Variants in STK39 observed in about 807,000 individuals in gnomAD.
STK39 encodes the protein serine/threonine kinase 39.
A neutral mutation model predicts 77.8 loss-of-function variants in STK39; 20 were observed. The observed-to-expected ratio is 0.26, with a 90% CI of 0.18 to 0.37. The LOEUF is 0.37. STK39 is among the 10% of genes least tolerant of loss of function. The pLI, the probability that STK39 is intolerant of heterozygous loss-of-function variation, is 1.00. For missense variants in STK39, 479 were observed against 656.5 expected, an observed-to-expected ratio of 0.73 and a Z score of 2.95; for synonymous variants, 246 against 234.1, an observed-to-expected ratio of 1.05 and a Z score of -0.47.
chr2:168,190,608 C>A (rs1689316370), intron 1 of STK39, among the ~76,000 whole-genome samples: 1 of 152,130 alleles, frequency 6.6e-6, no homozygotes, highest in Admixed American at 6.5e-5. Context: ...TTCAATAATT[C>A]TATGTGAGCA....
At chr2:168,140,780 C>T (rs1013952309) in intron 5 of STK39, 22 bp from the exon 6 acceptor site, 11 of 1,556,290 alleles carry the variant, frequency 7.1e-6, no homozygotes, top group Non-Finnish European at 7.9e-6. Context: ...AAAAAAATCA[C>T]CTTTATTTTA....
intron 16 of STK39, among the ~76,000 whole-genome samples, chr2:167,983,267 G>C (rs1280452192): frequency 6.6e-6 from 1 of 151,924 alleles, no homozygotes; most frequent in Admixed American, 6.6e-5. Flanking sequence ...ATCACCTGAG[G>C]TCAGAAGCTC....
At chr2:167,967,497 A>T (rs967132609) in intron 16 of STK39, among the ~76,000 whole-genome samples, 1 of 152,032 alleles carries the variant, frequency 6.6e-6, no homozygotes, top group African/African-American at 2.4e-5. Flanking sequence ...AATACCTGTC[A>T]GGGCTGGAAG....
chr2:168,070,010 A>G (rs1032637175), intron 12 of STK39, among the ~76,000 whole-genome samples: 7 of 152,240 alleles, frequency 4.6e-5, no homozygotes, highest in Admixed American at 1.3e-4. Flanking sequence ...AAATTGACAG[A>G]AAGTCATAAA....
intron 1 of STK39, among the ~76,000 whole-genome samples, chr2:168,245,703 G>A (rs1208499769): frequency 2.6e-5 from 4 of 152,212 alleles, no homozygotes; most frequent in Admixed American, 6.5e-5. Context: ...ATGGGAGGAG[G>A]CAGGCAGGTT....
chr2:167,974,551 G>T (rs57015130), intron 16 of STK39, among the ~76,000 whole-genome samples: 1 of 152,178 alleles, frequency 6.6e-6, no homozygotes, highest in African/African-American at 2.4e-5. Context: ...AATTGTATGG[G>T]ATTTCTAAAA....
chr2:168,055,667 G>A (rs527275669), intron 14 of STK39, among the ~76,000 whole-genome samples: 6 of 152,320 alleles, frequency 3.9e-5, no homozygotes, highest in African/African-American at 1.4e-4. Flanking sequence ...CCATAGGGCT[G>A]AGCTGTCAAA....
At chr2:168,111,641 C>T (rs918376160) in intron 10 of STK39, among the ~76,000 whole-genome samples, 1 of 152,130 alleles carries the variant, frequency 6.6e-6, no homozygotes, top group Admixed American at 6.5e-5. Flanking sequence ...CACATGTATA[C>T]AGCGAGGGGA....
chr2:168,056,083 T>C (rs571773865), intron 14 of STK39, among the ~76,000 whole-genome samples: 1 of 152,340 alleles, frequency 6.6e-6, no homozygotes, highest in South Asian at 2.1e-4. Context: ...GCATTTAACA[T>C]TGAGCCTTAA....
chr2:168,096,352 T>C (rs1223465647), intron 10 of STK39, among the ~76,000 whole-genome samples: 1 of 152,232 alleles, frequency 6.6e-6, no homozygotes, highest in Non-Finnish European at 1.5e-5. Context: ...CTAGTCATCA[T>C]GACTTAACCA....
intron 16 of STK39, among the ~76,000 whole-genome samples, chr2:167,986,361 GCTACTACAA>G (rs1683557453): frequency 6.6e-6 from 1 of 152,162 alleles, no homozygotes; most frequent in African/African-American, 2.4e-5. Context: ...CCAGGGAACA[GCTACTACAA>G]TTTTTGCTTT....
chr2:168,243,887 G>T (rs1327502672), intron 1 of STK39, among the ~76,000 whole-genome samples: 1 of 152,132 alleles, frequency 6.6e-6, no homozygotes, highest in Non-Finnish European at 1.5e-5. Context: ...AAAGGTAGGG[G>T]TACCTACTTT....
intron 10 of STK39, among the ~76,000 whole-genome samples, chr2:168,119,247 C>A (rs991139838): frequency 6.6e-6 from 1 of 152,082 alleles, no homozygotes; most frequent in African/African-American, 2.4e-5. Flanking sequence ...ACGGTAACTG[C>A]GGAAGTGGGT....
At position 168,017,029 on chromosome 2, in the gene STK39, C is replaced by G. The variant is rs201574179; in HGVS notation, c.1429+14G>C. The G allele has an allele frequency of 3.5e-5, 56 of 1,592,074 alleles. No homozygotes were observed. Among genetic ancestry groups the G allele is most frequent in the Non-Finnish European group, 4.5e-5 (52 of 1,168,442 alleles). ...CTTTGAGGCAATAAAATAATAACTT[C>G]AATTAAAACTTACCTCTTCCTGGAG... is the stretch of plus-strand genomic sequence containing the variant. On this transcript the variant is annotated intron_variant, in intron 15 of 17. Transcript: ENST00000355999.
intron 10 of STK39, among the ~76,000 whole-genome samples, chr2:168,081,517 A>G (rs1218899403): frequency 6.6e-6 from 1 of 152,172 alleles, no homozygotes; most frequent in Non-Finnish European, 1.5e-5. Context: ...CTATAAGATC[A>G]TAGGTGGAAG....
Position 167,970,251 on chromosome 2 carries a change from G to A in STK39, c.1499-5525C>T, listed in dbSNP as rs560948562. Among the ~76,000 whole-genome samples, 26 of 152,142 alleles carry A rather than the reference G, an allele frequency of 1.7e-4. No homozygotes were observed. The South Asian group carries it at 2.1e-3, about 12-fold the overall frequency. On this transcript the variant is annotated intron_variant, in intron 16 of 17. Transcript: ENST00000355999. ...ATATTTATACATTATTTCTGGATGCGGCCCTTTACCAACTCCACATACCCA... is the reference window on the plus strand; with the variant it reads ...ATATTTATACATTATTTCTGGATGCAGCCCTTTACCAACTCCACATACCCA...
chr2:167,964,229 A>G (rs1692083268), intron 17 of STK39: 2 of 158,698 alleles, frequency 1.3e-5, no homozygotes, highest in Non-Finnish European at 2.8e-5. Flanking sequence ...TTGTTCTACA[A>G]TTGCTTCCAA....
At chr2:167,988,820 G>C (rs900000794) in intron 16 of STK39, among the ~76,000 whole-genome samples, 5 of 152,160 alleles carry the variant, frequency 3.3e-5, no homozygotes, top group African/African-American at 1.2e-4. Flanking sequence ...CATGCCTCTA[G>C]AAAGCATATG....
At chr2:167,983,180 T>C (rs780155172) in intron 16 of STK39, among the ~76,000 whole-genome samples, 27 of 152,056 alleles carry the variant, frequency 1.8e-4, no homozygotes, top group Non-Finnish European at 3.5e-4. Context: ...CTTCATAGCA[T>C]AGAAATTGTA....
Sources: gnomAD v4.1 joint callset for allele counts (sites outside exome capture counted in the v4.1 genomes callset) on GRCh38, gnomAD v4.1.1 for gene constraint, MANE v1.5 for transcripts, NCBI Gene and HGNC (gene_info 2026-07-23, HGNC 2026-07-21) for gene names.